G2E3: variants seen among roughly 807,000 people sequenced by gnomAD.
G2E3 encodes G2/M phase-specific E3 ubiquitin-protein ligase.
G2E3 carries 35 observed loss-of-function variants against 92.8 expected under a neutral mutation model. That is an observed-to-expected ratio of 0.38 (90% CI 0.29 to 0.50). The LOEUF (loss-of-function observed/expected upper bound fraction) is 0.50. Among genes scored for constraint, G2E3 ranks in the 20% least tolerant of loss-of-function variants. G2E3 has a pLI of 0.94. For missense variants in G2E3, 554 were observed against 823.8 expected (o/e 0.67, Z 4.01); for synonymous variants, 242 against 272.4 (o/e 0.89, Z 1.10).
intron 1 of G2E3, among the ~76,000 whole-genome samples, chr14:30,568,132 T>C (rs188272406): frequency 6.4e-4 from 97 of 152,286 alleles, no homozygotes; most frequent in Non-Finnish European, 1.2e-3. Context: ...TCATGTCTTC[T>C]TGATGGATTG....
chr14:30,605,344 G>A (rs565088265), intron 10 of G2E3, among the ~76,000 whole-genome samples, 161 bp from the exon 11 acceptor site: 1 of 152,282 alleles, frequency 6.6e-6, no homozygotes, highest in Non-Finnish European at 1.5e-5. Flanking sequence ...AACTGTTTTT[G>A]GTTCTAGTAG....
At position 30,611,984 on chromosome 14, in the gene G2E3, G is replaced by A. The variant is rs73251132; in HGVS notation, c.1501-223G>A. On this transcript the variant is annotated intron_variant, in intron 12 of 14. Transcript: ENST00000206595. ...TTTCCTTTTTTATAAATAGTTTCACGTAGTAAAGTGGCATTATACTCTGGA... is the reference window on the plus strand; with the variant it reads ...TTTCCTTTTTTATAAATAGTTTCACATAGTAAAGTGGCATTATACTCTGGA... The A allele has an allele frequency of 7.7e-3, 3,008 of 390,974 alleles. 102 individuals carry two copies. The highest frequency in any genetic ancestry group is 0.057 in the African/African-American group (2,722 of 47,774). 24.2% of individuals were successfully genotyped at this position (390,974 alleles called of 1,614,324 possible). A position where few individuals can be genotyped will look rare whatever the true frequency, so the allele number is the denominator to read the frequency against.
chr14:30,611,278 A>G (rs984875463), intron 12 of G2E3: 9 of 152,224 alleles, frequency 5.9e-5, no homozygotes, highest in Non-Finnish European at 1.0e-4. Context: ...CATATACCCA[A>G]TTATTACTCC....
chr14:30,593,525 TAG>T lies in G2E3; in HGVS notation c.419_420del (p.Glu140ValfsTer12). On this transcript the variant is annotated frameshift_variant, in exon 6 of 15. Coordinates refer to ENST00000206595, the MANE Select transcript of G2E3 (RefSeq NM_017769.5). LOFTEE classifies it high-confidence loss of function. ...TTCAAATAATTACATCTAATAATTA[TAG>T]AGAGTCCTTACCATGCACCATTTGC... Reference protein sequence around the residue: ...PVQIITSNNYRESLPCTICLE... With the variant: ...PVQIITSNNYXESLPCTICLE... 2 of 1,561,846 alleles carry T rather than the reference TAG, an allele frequency of 1.3e-6. No homozygotes were observed. The highest frequency in any genetic ancestry group is 1.8e-6 in the Non-Finnish European group (2 of 1,133,676).
At chr14:30,579,390 C>T (rs1566531615) in intron 1 of G2E3, among the ~76,000 whole-genome samples, 2 of 151,992 alleles carry the variant, frequency 1.3e-5, no homozygotes, top group Non-Finnish European at 2.9e-5. Context: ...AGAGTCAAAG[C>T]CATTTAAGAG....
intron 6 of G2E3, among the ~76,000 whole-genome samples, chr14:30,595,225 C>G (rs1010201259): frequency 1.3e-5 from 2 of 151,958 alleles, no homozygotes; most frequent in African/African-American, 4.8e-5. Flanking sequence ...TAAAAGGATC[C>G]TAGAGAGTGC....
At chr14:30,588,486 C>G (rs1485064230) in intron 3 of G2E3, among the ~76,000 whole-genome samples, 1 of 151,744 alleles carries the variant, frequency 6.6e-6, no homozygotes, top group Non-Finnish European at 1.5e-5. Flanking sequence ...TTAAGTTGAT[C>G]AGATCAAAAT....
intron 1 of G2E3, among the ~76,000 whole-genome samples, chr14:30,575,179 T>A (rs533305610): frequency 2.3e-4 from 35 of 152,228 alleles, no homozygotes; most frequent in Non-Finnish European, 4.1e-4. Context: ...TGATTAGTGA[T>A]GTTGAGCTTT....
intron 1 of G2E3, among the ~76,000 whole-genome samples, chr14:30,570,902 G>A (rs1879720793): frequency 6.6e-6 from 1 of 152,038 alleles, no homozygotes; most frequent in Admixed American, 6.6e-5. Flanking sequence ...ATTATGATTT[G>A]CAAATACTTT....
intron 10 of G2E3, among the ~76,000 whole-genome samples, chr14:30,604,362 G>A (rs538284451): frequency 6.6e-6 from 1 of 152,312 alleles, no homozygotes; most frequent in South Asian, 2.1e-4. Flanking sequence ...ATTCATACTT[G>A]GTATGGAAAA....
At chr14:30,562,961 T>C (rs1458123215) in intron 1 of G2E3, among the ~76,000 whole-genome samples, 2 of 152,178 alleles carry the variant, frequency 1.3e-5, no homozygotes, top group African/African-American at 4.8e-5. Flanking sequence ...CTTTGTCTTG[T>C]ATCCAATAAA....
intron 4 of G2E3, among the ~76,000 whole-genome samples, chr14:30,590,218 A>G (rs1880927763): frequency 6.6e-6 from 1 of 152,152 alleles, no homozygotes; most frequent in South Asian, 2.1e-4. Context: ...ATTTTGGGTG[A>G]TGAAGGGATT....
intron 1 of G2E3, among the ~76,000 whole-genome samples, chr14:30,568,924 T>G (rs1172282880): frequency 6.6e-6 from 1 of 152,188 alleles, no homozygotes; most frequent in Non-Finnish European, 1.5e-5. Context: ...ACTTACTGTC[T>G]GGTGTCCCAT....
intron 12 of G2E3, chr14:30,611,186 T>C (rs1378828226): frequency 2.0e-5 from 3 of 152,240 alleles, no homozygotes; most frequent in Non-Finnish European, 4.4e-5. Context: ...TGAACAGTCA[T>C]GTAGCCCCAC....
At chr14:30,611,257 G>C (rs910797380) in intron 12 of G2E3, 2 of 152,168 alleles carry the variant, frequency 1.3e-5, no homozygotes, top group Non-Finnish European at 2.9e-5. Context: ...GGGTTTGCAG[G>C]GATGAGGCAA....
rs1454225425 is a variant in G2E3 at position 30,584,086 on chromosome 14, AT to A, written c.38-2631del. The stretch of plus-strand genomic sequence containing the variant: ...TTTGTGTGTCCCTGTGGATTTACTT[AT>A]GTTGGATAAAGTAATCCATAAGTAA... On this transcript the variant is annotated intron_variant, in intron 2 of 14. Transcript: ENST00000206595. 1.3e-5 allele frequency among the ~76,000 whole-genome samples: 2 copies of A among 152,120 alleles called. 1 individual carries two copies. Among genetic ancestry groups the A allele is most frequent in the Non-Finnish European group, 2.9e-5 (2 of 68,010 alleles).
At position 30,598,469 on chromosome 14, in the gene G2E3, A is replaced by G. The variant is rs951822202; in HGVS notation, c.636-14A>G. 1 of 1,449,628 alleles carries G rather than the reference A, an allele frequency of 6.9e-7. No homozygotes were observed. The highest frequency in any genetic ancestry group is 9.7e-7 in the Non-Finnish European group (1 of 1,029,978). 89.8% of individuals were successfully genotyped at this position (1,449,628 alleles called of 1,614,324 possible). Reference sequence around the variant, plus strand: ...ATTTATAGGTCAAAGCATATTTTATATCTTCTTTTATAGAGATGCTTCCTG... The same window carrying G: ...ATTTATAGGTCAAAGCATATTTTATGTCTTCTTTTATAGAGATGCTTCCTG... On this transcript the variant is annotated splice_polypyrimidine_tract_variant and intron_variant, in intron 7 of 14. Coordinates refer to ENST00000206595, the MANE Select transcript of G2E3 (RefSeq NM_017769.5).
At chr14:30,614,561 A>G (rs1882230768) in intron 13 of G2E3, among the ~76,000 whole-genome samples, 1 of 152,206 alleles carries the variant, frequency 6.6e-6, no homozygotes, top group Non-Finnish European at 1.5e-5. Flanking sequence ...TAAGGACCCT[A>G]TCTCCCATTG....
chr14:30,607,835 GTTATC>G lies in G2E3; in HGVS notation c.1319-48_1319-44del, dbSNP rs570294852. 418 of 914,400 alleles carry G rather than the reference GTTATC, an allele frequency of 4.6e-4. 4 individuals carry two copies. In the South Asian group the frequency reaches 6.9e-3, roughly 15 times the overall value. The allele number at this position is 914,400 out of a possible 1,614,324, so 56.6% of individuals were successfully genotyped here. A position where few individuals can be genotyped will look rare whatever the true frequency, so the allele number is the denominator to read the frequency against. ...CTAATTTTTAATATAAAAAATGATG[GTTATC>G]TTATAATAATAGAAGTGTATTTGAT... On this transcript the variant is annotated intron_variant, in intron 11 of 14. Transcript: ENST00000206595.
Sources: gnomAD v4.1 joint callset for allele counts (sites outside exome capture counted in the v4.1 genomes callset) on GRCh38, gnomAD v4.1.1 for gene constraint, MANE v1.5 for transcripts, NCBI Gene and HGNC (gene_info 2026-07-23, HGNC 2026-07-21) for gene names.